ECPAS: variants seen among roughly 807,000 people sequenced by gnomAD.
The protein encoded by ECPAS is Ecm29 proteasome adaptor and scaffold.
A neutral mutation model predicts 255.1 loss-of-function variants in ECPAS; 70 were observed. The ratio of observed to expected loss-of-function variants is 0.27; its 90% confidence interval spans 0.23 to 0.33. The LOEUF (loss-of-function observed/expected upper bound fraction) is 0.33. ECPAS is among the 10% of genes least tolerant of loss of function. The probability of loss-of-function intolerance (pLI) is 1.00; values close to 1 mark genes in which losing one functional copy is unlikely to be tolerated. For missense variants in ECPAS, 1,817 were observed against 2,206.4 expected (o/e 0.82, Z 3.54); for synonymous variants, 784 against 775.0 (o/e 1.01, Z -0.19).
chr9:111,430,507 ACTTTTTACG>A, intron 9 of ECPAS, 31 bp downstream of exon 9: 1 of 1,265,858 alleles, frequency 7.9e-7, no homozygotes, highest in South Asian at 1.3e-5. Context: ...TCAACAAACT[ACTTTTTACG>A]CTGATGTGAG....
At chr9:111,467,393 T>A (rs2098280914) in intron 2 of ECPAS, among the ~76,000 whole-genome samples, 1 of 152,232 alleles carries the variant, frequency 6.6e-6, no homozygotes, top group African/African-American at 2.4e-5. Context: ...TATCCCTGTT[T>A]GGTTGAATTT....
At chr9:111,372,347 G>A in intron 42 of ECPAS, 82 bp downstream of exon 42, 1 of 1,253,356 alleles carries the variant, frequency 8.0e-7, no homozygotes. Flanking sequence ...AACTTCAGAG[G>A]AGTTTATGAA....
At chr9:111,399,487 C>T (rs185455763) in intron 24 of ECPAS, among the ~76,000 whole-genome samples, 20 of 152,306 alleles carry the variant, frequency 1.3e-4, no homozygotes, top group Admixed American at 7.8e-4. Context: ...CAGTAACACC[C>T]GGTCACAGCA....
chr9:111,420,017 G>T lies in ECPAS; in HGVS notation c.1559C>A (p.Pro520Gln). ...RYLLLLAAGD[P>Q]REEVHGEAQR... is the part of the protein sequence containing the mutation. Reference sequence around the variant, plus strand: ...CAAATTAACACCTTTTGAAACTTACGGATCTCCTGCAGCCAGTAGCAGCAA... The same window carrying T: ...CAAATTAACACCTTTTGAAACTTACTGATCTCCTGCAGCCAGTAGCAGCAA... The change falls in exon 16 of 50, where the codon CCA (proline) becomes CAA (glutamine). Residue 520 changes from proline to glutamine, a missense_variant and splice_region_variant. Physicochemically the swap from Pro to Gln is moderately conservative, Grantham distance 76. Coordinates refer to ENST00000684092, the MANE Select transcript of ECPAS (RefSeq NM_001364929.1). 1.2e-6 allele frequency: 2 copies of T among 1,600,068 alleles called. No individual in the cohort carries two copies. Among genetic ancestry groups the T allele is most frequent in the Non-Finnish European group, 1.7e-6 (2 of 1,167,944 alleles).
chr9:111,369,696 A>G (rs954827282), intron 45 of ECPAS, among the ~76,000 whole-genome samples: 40 of 152,236 alleles, frequency 2.6e-4, no homozygotes, highest in Admixed American at 2.6e-3. Context: ...GTTACTTAAA[A>G]TATTTCATGT....
At position 111,484,069 on chromosome 9, in the gene ECPAS, C is replaced by T. The variant is rs954505589; in HGVS notation, c.-83+47G>A. 33 of 1,150,676 alleles carry T rather than the reference C, an allele frequency of 2.9e-5. No individual in the cohort carries two copies. The African/African-American group carries it at 5.3e-4, about 18-fold the overall frequency. 71.3% of individuals were successfully genotyped at this position (1,150,676 alleles called of 1,614,324 possible). On this transcript the variant is annotated intron_variant, in intron 1 of 49. Coordinates refer to ENST00000684092, the MANE Select transcript of ECPAS (RefSeq NM_001364929.1). ...GGGCGGCCCGGCCTAACCGCGCCGC[C>T]GCGCGCGCAGGGCCAGTCCCCCGCG... is the stretch of plus-strand genomic sequence containing the variant.
At chr9:111,415,252 T>TGTGAGA (rs1554788885) in intron 18 of ECPAS, among the ~76,000 whole-genome samples, 67 of 150,222 alleles carry the variant, frequency 4.5e-4, no homozygotes, top group South Asian at 1.9e-3. Flanking sequence ...TGTGTGTGTG[T>TGTGAGA]GAGAGAGAGA....
chr9:111,432,565 G>A (rs2098231660), intron 8 of ECPAS, among the ~76,000 whole-genome samples: 2 of 152,242 alleles, frequency 1.3e-5, no homozygotes, highest in Non-Finnish European at 2.9e-5. Context: ...AGTGAGCTGA[G>A]ATCGTGCCAC....
chr9:111,381,074 A>G (rs1451180476), intron 35 of ECPAS, among the ~76,000 whole-genome samples: 1 of 152,210 alleles, frequency 6.6e-6, no homozygotes, highest in Admixed American at 6.5e-5. Flanking sequence ...TTTCCTTTAC[A>G]TTCACAACTT....
At chr9:111,472,871 C>T (rs1037636544) in intron 2 of ECPAS, 26 bp downstream of exon 2, 1 of 890,098 alleles carries the variant, frequency 1.1e-6, no homozygotes, top group East Asian at 7.8e-5. Flanking sequence ...AAAATGCACA[C>T]ATCCTAAGGA....
chr9:111,378,424 G>A (rs2098136105), intron 36 of ECPAS, among the ~76,000 whole-genome samples, 156 bp downstream of exon 36: 1 of 152,182 alleles, frequency 6.6e-6, no homozygotes, highest in Non-Finnish European at 1.5e-5. Context: ...TGTATGAGCT[G>A]ACAACCTCTC....
At chr9:111,468,961 T>C (rs2098282941) in intron 2 of ECPAS, among the ~76,000 whole-genome samples, 2 of 152,160 alleles carry the variant, frequency 1.3e-5, no homozygotes, top group Non-Finnish European at 2.9e-5. Flanking sequence ...ATTATAAATC[T>C]AACCAGATAC....
intron 3 of ECPAS, among the ~76,000 whole-genome samples, chr9:111,447,077 G>A (rs983186830): frequency 6.6e-6 from 1 of 152,038 alleles, no homozygotes; most frequent in African/African-American, 2.4e-5. Context: ...GATGGAGACA[G>A]AGAATCTTGC....
At position 111,410,962 on chromosome 9, in the gene ECPAS, C is replaced by G. The variant is rs894275226; in HGVS notation, c.2377+18G>C. On this transcript the variant is annotated intron_variant, in intron 22 of 49. Coordinates refer to ENST00000684092, the MANE Select transcript of ECPAS (RefSeq NM_001364929.1). ...TCAAAAACTGCAACACCCAAATCGA[C>G]ATAAAGACATTAATTACCTATTGTT... 7.5e-6 allele frequency: 12 copies of G among 1,602,520 alleles called. No homozygotes were observed. In the African/African-American group the frequency reaches 1.3e-4, roughly 18 times the overall value.
intron 2 of ECPAS, among the ~76,000 whole-genome samples, chr9:111,470,440 A>C (rs1049851428): frequency 5.3e-5 from 8 of 152,056 alleles, no homozygotes; most frequent in African/African-American, 1.9e-4. Context: ...CCTCCCGAGT[A>C]GCGGGGACTA....
chr9:111,422,189 T>C lies in ECPAS; in HGVS notation c.1277A>G (p.His426Arg), dbSNP rs777378068. The part of the protein sequence containing the change: ...AVGKLSSRMP[H>R]LFTKDIALVQ... ...AAGCGCTATATCCTTAGTGAATAAA[T>C]GTGGCATCCGACTGCAAAAGAATGT... Residue 426 changes from histidine to arginine, a missense_variant, in exon 14 of 50, where the codon CAT becomes CGT. Physicochemically the swap from His to Arg is conservative, Grantham distance 29. This residue lies in a region of ECPAS where 573 missense variants were observed against 716.2 expected (regional missense o/e 0.80). Coordinates refer to ENST00000684092, the MANE Select transcript of ECPAS (RefSeq NM_001364929.1). 1.2e-6 allele frequency: 2 copies of C among 1,613,486 alleles called. No individual in the cohort carries two copies. Among genetic ancestry groups the C allele is most frequent in the Non-Finnish European group, 1.7e-6 (2 of 1,179,592 alleles).
At chr9:111,425,687 C>G (rs2098220511) in intron 11 of ECPAS, 56 bp downstream of exon 11, 3 of 1,082,442 alleles carry the variant, frequency 2.8e-6, no homozygotes, top group Middle Eastern at 2.0e-4. Flanking sequence ...ACACTTGAAG[C>G]ACTCAATCAT....
intron 46 of ECPAS, 115 bp from the exon 47 acceptor site, chr9:111,366,742 G>A: frequency 1.5e-6 from 1 of 685,314 alleles, no homozygotes; most frequent in East Asian, 2.7e-5. Flanking sequence ...AAGAGAAAGA[G>A]AGAAGGTGGG....
Position 111,394,253 on chromosome 9 carries a change from T to A in ECPAS, c.2829A>T (p.Lys943Asn), listed in dbSNP as rs375041853. ...CGTGTGGGTTGGGGCTGATGATATG[T>A]TTATTTAAAATCACATCCAACACCC... Reference protein sequence around the residue: ...VPWVLDVILNKHIISPNPHVR... With the variant: ...VPWVLDVILNNHIISPNPHVR... Residue 943 changes from lysine (K) to asparagine (N), a missense_variant, in exon 26 of 50, where the codon AAA (lysine) becomes AAT (asparagine). Physicochemically the swap from Lys to Asn is moderately conservative, Grantham distance 94. This residue lies in a region of ECPAS where 960 missense variants were observed against 1,179.0 expected (regional missense o/e 0.81). Transcript: ENST00000684092. The A allele has an allele frequency of 1.2e-6, 2 of 1,603,128 alleles. No homozygotes were observed. The highest frequency in any genetic ancestry group is 1.7e-6 in the Non-Finnish European group (2 of 1,174,598).
Sources: allele counts gnomAD v4.1 joint callset (sites outside exome capture counted in the v4.1 genomes callset), GRCh38; gene constraint gnomAD v4.1.1; regional missense constraint gnomAD v4.1.1; transcripts MANE v1.5; gene names NCBI Gene and HGNC (gene_info 2026-07-23, HGNC 2026-07-21).